Variants in RANBP17 observed in about 807,000 individuals in gnomAD.
RANBP17 encodes the protein RAN binding protein 17.
Under a neutral mutation model 141.2 loss-of-function variants are expected in RANBP17, and 158 were observed. That is an observed-to-expected ratio of 1.12 (90% CI 0.98 to 1.28). The LOEUF (loss-of-function observed/expected upper bound fraction) is 1.28, where lower values mean the gene tolerates loss of function less well. Among genes scored for constraint, RANBP17 ranks in the 50% most tolerant of loss-of-function variants. The probability of loss-of-function intolerance (pLI) is 0.00; values close to 1 mark genes in which losing one functional copy is unlikely to be tolerated. For missense variants in RANBP17, 1,438 were observed against 1,290.7 expected, an observed-to-expected ratio of 1.11 and a Z score of -1.75; for synonymous variants, 430 against 450.0, an observed-to-expected ratio of 0.96 and a Z score of 0.56.
intron 14 of RANBP17, among the ~76,000 whole-genome samples, chr5:171,094,233 T>C (rs1326355125): frequency 6.6e-6 from 1 of 152,172 alleles, no homozygotes; most frequent in East Asian, 1.9e-4. Context: ...GGTCTAATGG[T>C]GGCAGCCAAC....
intron 20 of RANBP17, 116 bp from the exon 21 acceptor site, chr5:171,213,515 A>C: frequency 1.4e-6 from 1 of 718,916 alleles, no homozygotes. Flanking sequence ...AGAACAAATT[A>C]GTATAAATAT....
intron 14 of RANBP17, among the ~76,000 whole-genome samples, chr5:170,981,056 A>G (rs1777733606): frequency 1.3e-5 from 2 of 152,188 alleles, no homozygotes. Flanking sequence ...TGGAGCTTTA[A>G]GATTTGACTG....
At position 170,979,147 on chromosome 5, in the gene RANBP17, TGGGA is replaced by T. The variant is rs1360279864; in HGVS notation, c.1710+10771_1710+10774del. Among the ~76,000 whole-genome samples the T allele has an allele frequency of 1.1e-4, 17 of 152,320 alleles. No individual in the cohort carries two copies. In the East Asian group the frequency reaches 3.3e-3, roughly 29 times the overall value. Reference sequence around the variant, plus strand: ...ACCTATGGTAAAAATAATATGTGCATGGGATTAGTAAACACTAAATTCAGGATAA... The same window carrying T: ...ACCTATGGTAAAAATAATATGTGCATTTAGTAAACACTAAATTCAGGATAA... On this transcript the variant is annotated intron_variant, in intron 14 of 27. Coordinates refer to ENST00000523189, the MANE Select transcript of RANBP17 (RefSeq NM_022897.5).
chr5:171,143,174 CAG>C (rs1757813578), intron 14 of RANBP17: 1 of 152,130 alleles, frequency 6.6e-6, no homozygotes, highest in South Asian at 2.1e-4. Flanking sequence ...TGTGGGAAAA[CAG>C]AGTTCCAAAT....
chr5:171,280,815 T>C (rs1767812687), intron 25 of RANBP17, among the ~76,000 whole-genome samples: 1 of 152,258 alleles, frequency 6.6e-6, no homozygotes, highest in Non-Finnish European at 1.5e-5. Flanking sequence ...GACTGAGTGC[T>C]TTCAAATGAC....
chr5:171,017,608 G>A (rs1780539326), intron 14 of RANBP17, among the ~76,000 whole-genome samples: 3 of 151,674 alleles, frequency 2.0e-5, no homozygotes, highest in African/African-American at 7.3e-5. Context: ...GTTGTATGTT[G>A]TTTTCTTGTA....
At chr5:170,948,198 T>C (rs554731285) in intron 12 of RANBP17, among the ~76,000 whole-genome samples, 1 of 152,220 alleles carries the variant, frequency 6.6e-6, no homozygotes, top group Non-Finnish European at 1.5e-5. Flanking sequence ...CATGGTTTTG[T>C]AAGATGAGTA....
At chr5:171,161,737 C>T (rs959323691) in intron 14 of RANBP17, among the ~76,000 whole-genome samples, 4 of 152,106 alleles carry the variant, frequency 2.6e-5, no homozygotes, top group African/African-American at 4.8e-5. Context: ...TTTCTTGATG[C>T]TAACATTGCT....
intron 25 of RANBP17, among the ~76,000 whole-genome samples, chr5:171,277,514 G>A (rs1228270771): frequency 6.7e-6 from 1 of 149,816 alleles, no homozygotes; most frequent in African/African-American, 2.5e-5. Flanking sequence ...TGTCGCTATA[G>A]AAGGAAAACC....
intron 14 of RANBP17, among the ~76,000 whole-genome samples, chr5:171,033,274 G>C (rs1309175932): frequency 6.6e-6 from 1 of 152,032 alleles, no homozygotes; most frequent in African/African-American, 2.4e-5. Context: ...TGGTCTTCAC[G>C]CTCTTCAGTT....
chr5:170,898,880 C>T (rs1214879387), intron 5 of RANBP17, among the ~76,000 whole-genome samples: 1 of 152,120 alleles, frequency 6.6e-6, no homozygotes, highest in South Asian at 2.1e-4. Flanking sequence ...TTAGTCTATA[C>T]ATCTGTTTTG....
intron 12 of RANBP17, among the ~76,000 whole-genome samples, chr5:170,937,335 C>T (rs1301295403): frequency 6.6e-6 from 1 of 151,816 alleles, no homozygotes; most frequent in Non-Finnish European, 1.5e-5. Context: ...TTTTTTTTAC[C>T]CAGTTTGTAT....
intron 14 of RANBP17, among the ~76,000 whole-genome samples, chr5:171,061,614 G>C (rs1783859167): frequency 6.6e-6 from 1 of 152,088 alleles, no homozygotes; most frequent in Non-Finnish European, 1.5e-5. Flanking sequence ...GGTGTGGTGT[G>C]GTGCTGAAAA....
At chr5:171,033,274 G>A (rs1309175932) in intron 14 of RANBP17, among the ~76,000 whole-genome samples, 2 of 152,030 alleles carry the variant, frequency 1.3e-5, no homozygotes, top group Admixed American at 6.6e-5. Flanking sequence ...TGGTCTTCAC[G>A]CTCTTCAGTT....
chr5:171,075,211 T>C (rs1270994121), intron 14 of RANBP17, among the ~76,000 whole-genome samples: 1 of 152,216 alleles, frequency 6.6e-6, no homozygotes, highest in African/African-American at 2.4e-5. Flanking sequence ...CTCCTTTCTT[T>C]CTAATATGAT....
chr5:171,183,637 T>C (rs895225584), intron 18 of RANBP17, among the ~76,000 whole-genome samples: 5 of 152,260 alleles, frequency 3.3e-5, no homozygotes, highest in African/African-American at 4.8e-5. Context: ...CATTTTTCAC[T>C]TCACATAACA....
At chr5:170,977,105 C>G (rs189722984) in intron 14 of RANBP17, among the ~76,000 whole-genome samples, 2 of 152,086 alleles carry the variant, frequency 1.3e-5, no homozygotes, top group Admixed American at 1.3e-4. Flanking sequence ...TCATAAAGGT[C>G]TCGCATCTAG....
chr5:171,142,249 A>C (rs1757752764), intron 14 of RANBP17, among the ~76,000 whole-genome samples: 1 of 152,160 alleles, frequency 6.6e-6, no homozygotes. Flanking sequence ...ATGATAGGTG[A>C]TTCTTAAAAG....
intron 14 of RANBP17, among the ~76,000 whole-genome samples, chr5:170,994,209 A>G (rs901071157): frequency 3.3e-5 from 5 of 152,070 alleles, no homozygotes; most frequent in Admixed American, 6.6e-5. Flanking sequence ...TTGGAACTCA[A>G]AGCTTTTCCT....
Sources: gnomAD v4.1 joint callset for allele counts (sites outside exome capture counted in the v4.1 genomes callset) on GRCh38, gnomAD v4.1.1 for gene constraint, MANE v1.5 for transcripts, NCBI Gene and HGNC (gene_info 2026-07-23, HGNC 2026-07-21) for gene names.